The following KIF23 variants were observed in gnomAD, a reference collection of about 807,000 sequenced individuals.
KIF23 encodes the protein kinesin-like protein KIF23.
A neutral mutation model predicts 137.5 loss-of-function variants in KIF23; 30 were observed. The ratio of observed to expected loss-of-function variants is 0.22; its 90% CI spans 0.16 to 0.30. KIF23 has a LOEUF of 0.30. Among genes scored for constraint, KIF23 ranks in the 10% least tolerant of loss-of-function variants. KIF23 has a pLI of 1.00. For missense variants in KIF23, 920 were observed against 1,194.3 expected (o/e 0.77, Z 3.38); for synonymous variants, 367 against 391.1 (o/e 0.94, Z 0.73).
At chr15:69,441,118 A>AT (rs1284962821) in intron 19 of KIF23, 39 bp downstream of exon 19, 1 of 1,510,094 alleles carries the variant, frequency 6.6e-7, no homozygotes, top group East Asian at 2.3e-5. Flanking sequence ...GTAGCAATAG[A>AT]TTTTATCTTC....
chr15:69,421,500 A>G, intron 3 of KIF23, 147 bp from the exon 4 acceptor site: 2 of 548,624 alleles, frequency 3.6e-6, no homozygotes. Context: ...TAAATAACTA[A>G]GGGTTCCAAC....
rs781276001 is a variant in KIF23, at chr15:69,447,822, T to C, written c.*15T>C. 1 of 1,604,806 alleles carries C rather than the reference T, an allele frequency of 6.2e-7. No individual in the cohort carries two copies. The highest frequency in any genetic ancestry group is 1.1e-5 in the South Asian group (1 of 89,898). Reference sequence around the variant, plus strand: ...AAAAGCCATGAACTGACAGTCCCAGTACTGAAAGAACATTTTCATTTGTGT... The same window carrying C: ...AAAAGCCATGAACTGACAGTCCCAGCACTGAAAGAACATTTTCATTTGTGT... On this transcript the variant is annotated 3_prime_UTR_variant, in exon 24 of 24. Coordinates refer to ENST00000679126, the MANE Select transcript of KIF23 (RefSeq NM_001367805.3).
chr15:69,440,562 G>T, intron 18 of KIF23, 75 bp downstream of exon 18: 4 of 1,352,316 alleles, frequency 3.0e-6, no homozygotes, highest in Non-Finnish European at 4.0e-6. Context: ...TTTCTATGAG[G>T]ATTTTTACAT....
At chr15:69,418,947 T>C (rs2056984361) in intron 3 of KIF23, among the ~76,000 whole-genome samples, 1 of 152,082 alleles carries the variant, frequency 6.6e-6, no homozygotes. Flanking sequence ...TGAAACCCTG[T>C]CTCTACTAAA....
intron 13 of KIF23, 98 bp downstream of exon 13, chr15:69,435,869 A>G: frequency 6.9e-7 from 1 of 1,440,196 alleles, no homozygotes; most frequent in Non-Finnish European, 9.5e-7. Flanking sequence ...TTAAAAATGG[A>G]TAGAGAACCA....
chr15:69,429,491 GA>G (rs904346282), intron 11 of KIF23, among the ~76,000 whole-genome samples: 5 of 151,906 alleles, frequency 3.3e-5, no homozygotes, highest in Non-Finnish European at 7.4e-5. Flanking sequence ...ATTTTTTGTA[GA>G]GGTGGGGTCT....
intron 8 of KIF23, among the ~76,000 whole-genome samples, chr15:69,425,685 A>T (rs1216765499): frequency 6.6e-6 from 1 of 152,234 alleles, no homozygotes; most frequent in Non-Finnish European, 1.5e-5. Flanking sequence ...AACTGGTTCT[A>T]TCTGCTAGTC....
At position 69,448,283 on chromosome 15, in the gene KIF23, C is replaced by G; in HGVS notation, c.*476C>G. 1 of 152,646 alleles carries G rather than the reference C, an allele frequency of 6.6e-6. No homozygotes were observed. The allele number at this position is 152,646 out of a possible 1,614,324, so 9.5% of individuals were successfully genotyped here. On this transcript the variant is annotated 3_prime_UTR_variant, in exon 24 of 24. Transcript: ENST00000679126. ...AAGAATGCACTTTAGAACTATTTGA[C>G]AATTCAGACTTTCAAAATAAAGATG...
chr15:69,440,436 G>A lies in KIF23; in HGVS notation c.2058G>A (p.Glu686=). The change falls in exon 18 of 24, where the codon GAG becomes GAA. Residue 686 remains glutamate, a synonymous_variant. Transcript: ENST00000679126. ...AGAAGCCAGAGAGACCCTCTCGGGA[G>A]CGAGATCGAGAAAAAGTTACTCAAA... ...KTEKPERPSR[E]RDREKVTQRS... 1 of 1,613,406 alleles carries A rather than the reference G, an allele frequency of 6.2e-7. No homozygotes were observed. The highest frequency in any genetic ancestry group is 1.3e-5 in the African/African-American group (1 of 75,012).
At chr15:69,419,961 T>C (rs985284681) in intron 3 of KIF23, among the ~76,000 whole-genome samples, 5 of 152,064 alleles carry the variant, frequency 3.3e-5, no homozygotes, top group East Asian at 1.9e-4. Flanking sequence ...AAGGCAACAT[T>C]GTATAATGAA....
intron 3 of KIF23, among the ~76,000 whole-genome samples, chr15:69,421,145 C>G (rs1404994523): frequency 6.6e-6 from 1 of 152,144 alleles, no homozygotes; most frequent in South Asian, 2.1e-4. Context: ...GTAATCCCAG[C>G]ACTTTGGAAG....
At chr15:69,418,997 AT>A (rs1227233942) in intron 3 of KIF23, among the ~76,000 whole-genome samples, 1 of 152,130 alleles carries the variant, frequency 6.6e-6, no homozygotes, top group Non-Finnish European at 1.5e-5. Context: ...TGTGCCTGTA[AT>A]CCCAGCTACT....
chr15:69,436,024 C>G lies in KIF23; in HGVS notation c.1315-114C>G, dbSNP rs143328392. On this transcript the variant is annotated intron_variant, in intron 13 of 23. Coordinates refer to ENST00000679126, the MANE Select transcript of KIF23 (RefSeq NM_001367805.3). ...CGTGTTCATGCCACTGCACTCCAGC[C>G]TGGTGACAGACTGTCTCAAATAAAT... 251 of 1,401,964 alleles carry G rather than the reference C, an allele frequency of 1.8e-4. No homozygotes were observed. The African/African-American group carries it at 3.4e-3, about 19-fold the overall frequency. 86.8% of individuals were successfully genotyped at this position (1,401,964 alleles called of 1,614,324 possible).
chr15:69,418,537 T>C (rs1001812041), intron 3 of KIF23, among the ~76,000 whole-genome samples: 4 of 152,180 alleles, frequency 2.6e-5, no homozygotes, highest in African/African-American at 9.7e-5. Context: ...TTGCCTCTCC[T>C]TATAACTAGT....
At position 69,441,002 on chromosome 15, in the gene KIF23, A is replaced by G. The variant is rs779782790; in HGVS notation, c.2344A>G (p.Met782Val). ...TATCGTGTCAGACAGAAGGCGAGGG[A>G]TGTACTGGACTGAAGGCAGGGAGGT... ...TCIVSDRRRGMYWTEGREVVP... is the reference protein window; with the variant it reads ...TCIVSDRRRGVYWTEGREVVP... The change falls in exon 19 of 24, where the codon ATG becomes GTG. Residue 782 changes from methionine to valine, a missense_variant. Physicochemically the swap from Met to Val is conservative, Grantham distance 21. Coordinates refer to ENST00000679126, the MANE Select transcript of KIF23 (RefSeq NM_001367805.3). 1 of 1,614,222 alleles carries G rather than the reference A, an allele frequency of 6.2e-7. No individual in the cohort carries two copies. The highest frequency in any genetic ancestry group is 2.2e-5 in the East Asian group (1 of 44,886).
chr15:69,420,432 T>A (rs928036542), intron 3 of KIF23, among the ~76,000 whole-genome samples: 1 of 152,234 alleles, frequency 6.6e-6, no homozygotes, highest in Non-Finnish European at 1.5e-5. Flanking sequence ...TATTAGCCTA[T>A]GTGTATCCTT....
chr15:69,430,132 A>G (rs1004464167), intron 11 of KIF23, among the ~76,000 whole-genome samples: 2 of 152,208 alleles, frequency 1.3e-5, no homozygotes, highest in African/African-American at 4.8e-5. Flanking sequence ...AGATGGGAAA[A>G]TTCTGAACAC....
chr15:69,415,100 T>G (rs2056865503), intron 1 of KIF23: 1 of 152,250 alleles, frequency 6.6e-6, no homozygotes, highest in Admixed American at 6.5e-5. Context: ...CGGCGCAGCA[T>G]CATTCCTGGG....
intron 20 of KIF23, 104 bp from the exon 21 acceptor site, chr15:69,445,905 G>A (rs887467697): frequency 1.2e-6 from 1 of 846,346 alleles, no homozygotes; most frequent in Non-Finnish European, 1.9e-6. Flanking sequence ...TTTGTGGATG[G>A]GAATTTCTAT....
Sources: gnomAD v4.1 joint callset for allele counts (sites outside exome capture counted in the v4.1 genomes callset) on GRCh38, gnomAD v4.1.1 for gene constraint, MANE v1.5 for transcripts, NCBI Gene and HGNC (gene_info 2026-07-23, HGNC 2026-07-21) for gene names.